Variants in LRRC7 observed in about 807,000 individuals in gnomAD.
LRRC7 encodes leucine rich repeat containing 7, also known as leucine-rich repeat-containing protein 7.
LRRC7 carries 23 observed loss-of-function variants against 175.7 expected under a neutral mutation model. The observed-to-expected ratio is 0.13, with a 90% confidence interval of 0.09 to 0.19. The LOEUF (loss-of-function observed/expected upper bound fraction) is 0.19, where lower values mean the gene tolerates loss of function less well. LRRC7 is among the 10% of genes least tolerant of loss of function. The pLI, the probability that LRRC7 is intolerant of heterozygous loss-of-function variation, is 1.00. For synonymous variants in LRRC7, 685 were observed against 680.9 expected, an observed-to-expected ratio of 1.01 and a Z score of -0.09; for missense variants, 1,354 against 1,904.7, an observed-to-expected ratio of 0.71 and a Z score of 5.38.
chr1:70,116,667 G>A (rs2102234347), intron 26 of LRRC7, among the ~76,000 whole-genome samples: 1 of 151,602 alleles, frequency 6.6e-6, no homozygotes, highest in Non-Finnish European at 1.5e-5. Context: ...CAAAAGCAAT[G>A]TAAATTTTTC....
intron 7 of LRRC7, chr1:69,919,470 C>T: frequency 2.0e-6 from 2 of 993,026 alleles, no homozygotes; most frequent in Non-Finnish European, 3.1e-6. Context: ...AGCGGCCCAG[C>T]GGGAACAGCA....
At chr1:69,738,540 A>G (rs780897023) in intron 2 of LRRC7, among the ~76,000 whole-genome samples, 59 of 152,100 alleles carry the variant, frequency 3.9e-4, no homozygotes, top group African/African-American at 2.7e-4. Context: ...CTACTTTTAG[A>G]AAAATTGCCT....
intron 3 of LRRC7, among the ~76,000 whole-genome samples, chr1:69,770,584 G>A (rs1672126754): frequency 6.6e-6 from 1 of 152,072 alleles, no homozygotes; most frequent in Non-Finnish European, 1.5e-5. Context: ...CACTATAATT[G>A]CTGCTTAAAC....
At position 70,143,318 on chromosome 1, in the gene LRRC7, G is replaced by A. The variant is rs2102295853; in HGVS notation, c.*21431G>A. On this transcript the variant is annotated 3_prime_UTR_variant, in exon 27 of 27. Transcript: ENST00000651989. ...AGAGAAAGAACTTGAATTGGGATCT[G>A]ATTTCAAAGAAATCCCATTATATTA... 6.6e-6 allele frequency: 1 copy of A among 151,718 alleles called. No individual in the cohort carries two copies. Among genetic ancestry groups the A allele is most frequent in the East Asian group, 1.9e-4 (1 of 5,158 alleles). The allele number at this position is 151,718 out of a possible 1,614,324, so 9.4% of individuals were successfully genotyped here.
rs1666404679 is a variant in LRRC7 at position 70,125,541 on chromosome 1, C to T, written c.*3654C>T. Among the ~76,000 whole-genome samples, 1 of 152,106 alleles carries T rather than the reference C, an allele frequency of 6.6e-6. No homozygotes were observed. Among genetic ancestry groups the T allele is most frequent in the Admixed American group, 6.5e-5 (1 of 15,268 alleles). On this transcript the variant is annotated 3_prime_UTR_variant, in exon 27 of 27. Coordinates refer to ENST00000651989, the MANE Select transcript of LRRC7 (RefSeq NM_001370785.2). ...GGCGCGGTGGCTCACGCCTGTAATC[C>T]CAGCACTTTGGGAGGCCGAGGCGGG...
At chr1:69,794,881 A>G (rs954264297) in intron 4 of LRRC7, among the ~76,000 whole-genome samples, 1 of 152,210 alleles carries the variant, frequency 6.6e-6, no homozygotes, top group African/African-American at 2.4e-5. Context: ...AGTTTTTGCA[A>G]CTATTACCTC....
At chr1:70,078,852 A>T (rs896752438) in intron 24 of LRRC7, among the ~76,000 whole-genome samples, 3 of 150,164 alleles carry the variant, frequency 2.0e-5, no homozygotes, top group African/African-American at 4.9e-5. Context: ...ACACACACAC[A>T]CTCCCCGTAA....
At chr1:69,687,237 G>A (rs561038526) in intron 2 of LRRC7, among the ~76,000 whole-genome samples, 25 of 152,152 alleles carry the variant, frequency 1.6e-4, no homozygotes, top group East Asian at 5.8e-4. Flanking sequence ...GGACAGGCAC[G>A]TTGGCTCACA....
rs188163957 is a variant in LRRC7, at chr1:69,590,284, T to G, written c.2+21643T>G. Among the ~76,000 whole-genome samples, 195 of 152,312 alleles carry G rather than the reference T, an allele frequency of 1.3e-3. 2 individuals carry two copies. The highest frequency in any genetic ancestry group is 1.9e-3 in the Non-Finnish European group (126 of 68,028). ...AGTCAGGAGGCATGGTTAAGTTTCC[T>G]GATCTATAAACTGGGGCTAATAATG... On this transcript the variant is annotated intron_variant, in intron 1 of 26. Coordinates refer to ENST00000651989, the MANE Select transcript of LRRC7 (RefSeq NM_001370785.2).
At chr1:69,837,348 T>C (rs987598239) in intron 6 of LRRC7, among the ~76,000 whole-genome samples, 3 of 151,934 alleles carry the variant, frequency 2.0e-5, no homozygotes, top group Non-Finnish European at 2.9e-5. Flanking sequence ...AGCCAATTCT[T>C]ATTAAAACTT....
At position 70,039,151 on chromosome 1, in the gene LRRC7, T is replaced by A. The variant is rs142111892; in HGVS notation, c.3327T>A (p.Ile1109=). The A allele has an allele frequency of 6.8e-6, 11 of 1,614,020 alleles. No individual in the cohort carries two copies. Among genetic ancestry groups the A allele is most frequent in the African/African-American group, 1.3e-5 (1 of 74,924 alleles). ...GCAAAAACATCGCCAAGGATTTGAT[T>A]AGTCCTAGAGCTTACAGAGGATACC... ...QASKNIAKDL[I]SPRAYRGYPP... is the part of the protein sequence containing the mutation. Residue 1109 remains isoleucine (I), a synonymous_variant, in exon 21 of 27, where the codon ATT becomes ATA. Coordinates refer to ENST00000651989, the MANE Select transcript of LRRC7 (RefSeq NM_001370785.2).
chr1:69,710,073 C>A (rs1231269042), intron 2 of LRRC7, among the ~76,000 whole-genome samples: 1 of 151,806 alleles, frequency 6.6e-6, no homozygotes, highest in Non-Finnish European at 1.5e-5. Flanking sequence ...GTCAGGAGAT[C>A]AAGCCCACCC....
rs12061154 is a variant in LRRC7 at position 69,604,682 on chromosome 1, T to A, written c.2+36041T>A. Among the ~76,000 whole-genome samples, 1,151 of 150,450 alleles carry A rather than the reference T, an allele frequency of 7.7e-3. 18 individuals are homozygous for A. Among genetic ancestry groups the A allele is most frequent in the African/African-American group, 0.027 (1,108 of 41,178 alleles). On this transcript the variant is annotated intron_variant, in intron 1 of 26. Transcript: ENST00000651989. ...GAGTTTTGCTGTAATTATTTTTAAGTAGTTCTAAATATACCATTTTTTTTT... is the reference window on the plus strand; with the variant it reads ...GAGTTTTGCTGTAATTATTTTTAAGAAGTTCTAAATATACCATTTTTTTTT...
intron 3 of LRRC7, among the ~76,000 whole-genome samples, chr1:69,776,997 G>C (rs1219369016): frequency 6.6e-6 from 1 of 152,150 alleles, no homozygotes; most frequent in Admixed American, 6.6e-5. Flanking sequence ...CCCTGTGTGT[G>C]AGTGACCTTA....
At chr1:69,675,867 T>C (rs1659695237) in intron 1 of LRRC7, among the ~76,000 whole-genome samples, 1 of 152,074 alleles carries the variant, frequency 6.6e-6, no homozygotes. Flanking sequence ...TTCCTGTCGC[T>C]GTATTATCAT....
chr1:69,825,614 T>C (rs976064627), intron 4 of LRRC7, 134 bp from the exon 5 acceptor site: 1 of 421,332 alleles, frequency 2.4e-6, no homozygotes, highest in Non-Finnish European at 4.3e-6. Context: ...TTATTTCTAC[T>C]TAAATGCTTA....
intron 7 of LRRC7, among the ~76,000 whole-genome samples, chr1:69,899,237 A>G (rs1646065671): frequency 6.6e-6 from 1 of 152,210 alleles, no homozygotes; most frequent in African/African-American, 2.4e-5. Flanking sequence ...TGTGGTCACA[A>G]AAAATCGTCA....
chr1:70,099,586 T>C (rs1664668300), intron 25 of LRRC7, among the ~76,000 whole-genome samples: 2 of 152,200 alleles, frequency 1.3e-5, no homozygotes, highest in Admixed American at 1.3e-4. Context: ...CTTTTCAATT[T>C]GTGATTTTAA....
At chr1:69,658,283 A>T (rs1258178471) in intron 1 of LRRC7, among the ~76,000 whole-genome samples, 1 of 151,984 alleles carries the variant, frequency 6.6e-6, no homozygotes, top group African/African-American at 2.4e-5. Flanking sequence ...TCTCTTCTAA[A>T]ATATATCATC....
Sources: allele counts gnomAD v4.1 joint callset (sites outside exome capture counted in the v4.1 genomes callset), GRCh38; gene constraint gnomAD v4.1.1; transcripts MANE v1.5; gene names NCBI Gene and HGNC (gene_info 2026-07-23, HGNC 2026-07-21).